The following AAK1 variants were observed in gnomAD, a reference collection of about 807,000 sequenced individuals.
AAK1 encodes the protein AP2-associated protein kinase 1.
AAK1 carries 37 observed loss-of-function variants against 116.0 expected under a neutral mutation model. The ratio of observed to expected loss-of-function variants is 0.32; its 90% CI spans 0.25 to 0.42. AAK1 has a LOEUF of 0.42. AAK1 is among the 10% of genes least tolerant of loss of function. AAK1 has a pLI of 1.00. For missense variants in AAK1, 919 were observed against 1,170.6 expected (o/e 0.79, Z 3.14); for synonymous variants, 458 against 439.9 (o/e 1.04, Z -0.51).
intron 3 of AAK1, among the ~76,000 whole-genome samples, chr2:69,554,616 C>T (rs1228574381): frequency 6.6e-6 from 1 of 152,148 alleles, no homozygotes; most frequent in Admixed American, 6.6e-5. Context: ...GTGACAGTTA[C>T]GTCTTTACTT....
intron 13 of AAK1, among the ~76,000 whole-genome samples, chr2:69,511,175 T>C (rs1676381235): frequency 6.6e-6 from 1 of 152,222 alleles, no homozygotes; most frequent in South Asian, 2.1e-4. Flanking sequence ...TGCTCCATGC[T>C]GCAACTCAGT....
rs2105022026 is a variant in AAK1, at chr2:69,529,981, A to G, written c.871+27T>C. 2.7e-6 allele frequency: 4 copies of G among 1,487,936 alleles called. No homozygotes were observed. In the East Asian group the frequency reaches 9.9e-5, roughly 37 times the overall value. The allele number at this position is 1,487,936 out of a possible 1,614,324, so 92.2% of individuals were successfully genotyped here. A position where few individuals can be genotyped will look rare whatever the true frequency, so the allele number is the denominator to read the frequency against. On this transcript the variant is annotated intron_variant, in intron 8 of 21. Transcript: ENST00000409085. The stretch of plus-strand genomic sequence containing the variant: ...ATTCTTTGTGATTAGAAATAAAAAT[A>G]TGAAACTAGAAACTTAAAATACTTA...
At chr2:69,627,808 C>A (rs1490862618) in intron 2 of AAK1, among the ~76,000 whole-genome samples, 3 of 152,216 alleles carry the variant, frequency 2.0e-5, no homozygotes, top group African/African-American at 7.2e-5. Context: ...ACAATGCAGG[C>A]CAGTCCTATG....
chr2:69,514,595 A>G lies in AAK1; in HGVS notation c.1652T>C (p.Leu551Pro), dbSNP rs780459229. 2 of 1,588,412 alleles carry G rather than the reference A, an allele frequency of 1.3e-6. No individual in the cohort carries two copies. Among genetic ancestry groups the G allele is most frequent in the South Asian group, 1.1e-5 (1 of 87,030 alleles). ...CTGAGTCATCAGCTGTTGTTGATGCAGGGCTGTGGCCAGCTGTTGCTGTTG... is the reference window on the plus strand; with the variant it reads ...CTGAGTCATCAGCTGTTGTTGATGCGGGGCTGTGGCCAGCTGTTGCTGTTG... Reference protein sequence around the residue: ...QQQQQQLATALHQQQLMTQQA... With the variant: ...QQQQQQLATAPHQQQLMTQQA... Residue 551 changes from leucine (L) to proline (P), a missense_variant, in exon 13 of 22, where the codon CTG (leucine) becomes CCG (proline). By Grantham distance (98) the Leu-to-Pro change is moderately conservative. This residue lies in a region of AAK1 where 214 missense variants were observed against 210.6 expected (regional missense o/e 1.02). Coordinates refer to ENST00000409085, the MANE Select transcript of AAK1 (RefSeq NM_014911.5).
Position 69,643,671 on chromosome 2 carries a change from G to A in AAK1, c.-331C>T. On this transcript the variant is annotated 5_prime_UTR_variant, in exon 1 of 22. Coordinates refer to ENST00000409085, the MANE Select transcript of AAK1 (RefSeq NM_014911.5). The stretch of plus-strand genomic sequence containing the variant: ...GACGCAGAGAAGAGGCGGCGCTGCA[G>A]CGAGAGCCGGGGCCGCGCTCGGCTC... The A allele has an allele frequency of 8.2e-7, 1 of 1,224,792 alleles. No individual in the cohort carries two copies. The highest frequency in any genetic ancestry group is 3.2e-5 in the East Asian group (1 of 31,214). 75.9% of individuals were successfully genotyped at this position (1,224,792 alleles called of 1,614,324 possible). A position where few individuals can be genotyped will look rare whatever the true frequency, so the allele number is the denominator to read the frequency against.
chr2:69,466,827 C>T lies in AAK1; in HGVS notation c.*9042G>A, dbSNP rs898940047. 1.6e-4 allele frequency: 159 copies of T among 985,410 alleles called. No homozygotes were observed. The Middle Eastern group carries it at 4.7e-3, about 29-fold the overall frequency. The allele number at this position is 985,410 out of a possible 1,614,324, so 61.0% of individuals were successfully genotyped here. A position where few individuals can be genotyped will look rare whatever the true frequency, so the allele number is the denominator to read the frequency against. ...AGACATTCAGCGTAACTATGCAATGCTCCTACACACAGGGCCAGGCACGGA... is the reference window on the plus strand; with the variant it reads ...AGACATTCAGCGTAACTATGCAATGTTCCTACACACAGGGCCAGGCACGGA... On this transcript the variant is annotated 3_prime_UTR_variant, in exon 22 of 22. Coordinates refer to ENST00000409085, the MANE Select transcript of AAK1 (RefSeq NM_014911.5).
intron 20 of AAK1, chr2:69,478,339 A>G (rs913464911): frequency 1.3e-5 from 2 of 152,332 alleles, no homozygotes; most frequent in African/African-American, 4.8e-5. Context: ...CTAGCTCTTA[A>G]AGGTAACATG....
intron 2 of AAK1, among the ~76,000 whole-genome samples, chr2:69,601,029 A>C (rs1459251517): frequency 6.6e-6 from 1 of 152,204 alleles, no homozygotes; most frequent in African/African-American, 2.4e-5. Context: ...AGGTATGTAC[A>C]TTTTTTAGAC....
chr2:69,594,711 T>C (rs112135721), intron 2 of AAK1: 1 of 681,016 alleles, frequency 1.5e-6, no homozygotes, highest in Non-Finnish European at 2.6e-6. Context: ...CAAGGTTTTA[T>C]TGTCTTCATA....
chr2:69,475,706 T>C lies in AAK1; in HGVS notation c.*163A>G. Reference sequence around the variant, plus strand: ...ATCTGGAGGGCCAAAGTGATTTTCTTTCCTTATCATTTCTACAGGAGAAGG... The same window carrying C: ...ATCTGGAGGGCCAAAGTGATTTTCTCTCCTTATCATTTCTACAGGAGAAGG... On this transcript the variant is annotated 3_prime_UTR_variant, in exon 22 of 22. Transcript: ENST00000409085. 1.4e-6 allele frequency: 2 copies of C among 1,394,772 alleles called. No homozygotes were observed. The highest frequency in any genetic ancestry group is 1.9e-6 in the Non-Finnish European group (2 of 1,074,592). 86.4% of individuals were successfully genotyped at this position (1,394,772 alleles called of 1,614,324 possible).
intron 2 of AAK1, among the ~76,000 whole-genome samples, chr2:69,569,745 T>C (rs1672019326): frequency 6.6e-6 from 1 of 152,208 alleles, no homozygotes; most frequent in Admixed American, 6.5e-5. Flanking sequence ...TCATATGGTA[T>C]GTGCTTTTTT....
In AAK1 at chr2:69,475,176, A is replaced by G. The variant is rs894661552; in HGVS notation, c.*693T>C. 5.1e-6 allele frequency: 5 copies of G among 985,898 alleles called. No individual in the cohort carries two copies. Among genetic ancestry groups the G allele is most frequent in the Admixed American group, 6.1e-5 (1 of 16,284 alleles). The allele number at this position is 985,898 out of a possible 1,614,324, so 61.1% of individuals were successfully genotyped here. A position where few individuals can be genotyped will look rare whatever the true frequency, so the allele number is the denominator to read the frequency against. Reference sequence around the variant, plus strand: ...TCCAGATCTGAGAAATCACGGTTCAATGGAAGCCAGAAAGCTGGACGAATG... The same window carrying G: ...TCCAGATCTGAGAAATCACGGTTCAGTGGAAGCCAGAAAGCTGGACGAATG... On this transcript the variant is annotated 3_prime_UTR_variant, in exon 22 of 22. Transcript: ENST00000409085.
At chr2:69,558,796 C>G (rs532923809) in intron 2 of AAK1, among the ~76,000 whole-genome samples, 1 of 152,188 alleles carries the variant, frequency 6.6e-6, no homozygotes, top group Non-Finnish European at 1.5e-5. Flanking sequence ...TTACAGAGAT[C>G]TTAGGCCTCT....
chr2:69,559,232 A>G (rs1671523233), intron 2 of AAK1, among the ~76,000 whole-genome samples: 1 of 151,092 alleles, frequency 6.6e-6, no homozygotes, highest in East Asian at 2.0e-4. Flanking sequence ...TAGCATTGAC[A>G]CTTAGAGGTC....
rs777294997 is a variant in AAK1 at position 69,643,046 on chromosome 2, G to A, written c.-6C>T. On this transcript the variant is annotated 5_prime_UTR_variant, in exon 2 of 22. Coordinates refer to ENST00000409085, the MANE Select transcript of AAK1 (RefSeq NM_014911.5). ...GAGTCGAAAAACTTCTTCATCTTGC[G>A]AATAGGGAGCAGCAAAGCAAAATAC... 1.3e-6 allele frequency: 2 copies of A among 1,591,192 alleles called. No individual in the cohort carries two copies. The highest frequency in any genetic ancestry group is 8.5e-7 in the Non-Finnish European group (1 of 1,170,486).
At chr2:69,500,136 CAGA>C (rs1675913744) in intron 16 of AAK1, 1 of 152,144 alleles carries the variant, frequency 6.6e-6, no homozygotes, top group Admixed American at 6.6e-5. Context: ...TTTGATCAAT[CAGA>C]AGGTTTAAAA....
intron 2 of AAK1, among the ~76,000 whole-genome samples, chr2:69,569,977 T>C (rs1371009734): frequency 1.3e-5 from 2 of 152,250 alleles, no homozygotes; most frequent in South Asian, 2.1e-4. Flanking sequence ...TTCTCTGGGG[T>C]AAATACCTAA....
chr2:69,479,025 G>A lies in AAK1; in HGVS notation c.2606C>T (p.Ser869Phe). 1.9e-6 allele frequency: 3 copies of A among 1,613,890 alleles called. No individual in the cohort carries two copies. Among genetic ancestry groups the A allele is most frequent in the Non-Finnish European group, 2.5e-6 (3 of 1,179,810 alleles). Residue 869 changes from serine to phenylalanine, a missense_variant, in exon 20 of 22, where the codon TCT becomes TTT. By Grantham distance (155) the Ser-to-Phe change is radical (BLOSUM62 -2). Transcript: ENST00000409085. ...GTCAGTAGTAGGGTTAGAGAGCAGA[G>A]AGCAATCAAGCAGGGAATCTTCCCC... ...LTGEDSLLDC[S>F]LLSNPTTDLL...
intron 5 of AAK1, among the ~76,000 whole-genome samples, chr2:69,534,707 T>C (rs543554217): frequency 1.2e-4 from 19 of 152,360 alleles, no homozygotes; most frequent in African/African-American, 4.6e-4. Flanking sequence ...CATCAAACCA[T>C]GCCCACTTGT....
Sources: gnomAD v4.1 joint callset for allele counts (sites outside exome capture counted in the v4.1 genomes callset) on GRCh38, gnomAD v4.1.1 for gene constraint, gnomAD v4.1.1 regional missense constraint, MANE v1.5 for transcripts, NCBI Gene and HGNC (gene_info 2026-07-23, HGNC 2026-07-21) for gene names.